The following CNDP2 variants were observed in gnomAD, a reference collection of about 807,000 sequenced individuals.
The protein encoded by CNDP2 is carnosine dipeptidase 2, also known as cytosolic non-specific dipeptidase.
A neutral mutation model predicts 55.0 loss-of-function variants in CNDP2; 38 were observed. That is an observed-to-expected ratio of 0.69 (90% CI 0.53 to 0.90). The LOEUF is 0.90. Ranked by LOEUF, CNDP2 falls within the 40% of genes least tolerant of loss-of-function variation. The pLI is 0.00. For missense variants in CNDP2, 607 were observed against 621.7 expected, an observed-to-expected ratio of 0.98 and a Z score of 0.25; for synonymous variants, 241 against 260.2, an observed-to-expected ratio of 0.93 and a Z score of 0.71.
At chr18:74,513,528 G>A in intron 7 of CNDP2, 31 bp from the exon 8 acceptor site, 1 of 1,594,294 alleles carries the variant, frequency 6.3e-7, no homozygotes. Context: ...GGCCTCCCCT[G>A]AGTGCTGTAA....
chr18:74,502,651 T>C (rs1288284798), intron 3 of CNDP2, among the ~76,000 whole-genome samples: 2 of 152,234 alleles, frequency 1.3e-5, no homozygotes, highest in Non-Finnish European at 2.9e-5. Context: ...TAATTGCATG[T>C]TTCATGCCAT....
chr18:74,499,973 GATGGCGGCCCTC>G lies in CNDP2; in HGVS notation c.2_13del (p.MetAlaAlaLeu1_?4). On this transcript the variant is annotated start_lost and inframe_deletion, in exon 2 of 12. Coordinates refer to ENST00000324262, the MANE Select transcript of CNDP2 (RefSeq NM_018235.3). ...TCTGCGGTCTGGGGTCTGGTTGAAA[GATGGCGGCCCTC>G]ACTACCCTGTTTAAGTACATAGATG... is the stretch of plus-strand genomic sequence containing the variant. 6.2e-7 allele frequency: 1 copy of G among 1,614,100 alleles called. No homozygotes were observed. The highest frequency in any genetic ancestry group is 8.5e-7 in the Non-Finnish European group (1 of 1,179,996).
At position 74,521,583 on chromosome 18, in the gene CNDP2, G is replaced by C. The variant is rs2144623933; in HGVS notation, c.*1515G>C. 6.6e-6 allele frequency: 1 copy of C among 152,400 alleles called. No individual in the cohort carries two copies. 9.4% of individuals were successfully genotyped at this position (152,400 alleles called of 1,614,324 possible). A position where few individuals can be genotyped will look rare whatever the true frequency, so the allele number is the denominator to read the frequency against. The stretch of plus-strand genomic sequence containing the variant: ...GAGCCAGCCTGGAAGAGTTTGCAGG[G>C]GCCCAGGGGAGCAATTGGAGTGAGA... On this transcript the variant is annotated 3_prime_UTR_variant, in exon 12 of 12. Transcript: ENST00000324262.
chr18:74,502,455 G>GT (rs910633467), intron 3 of CNDP2, among the ~76,000 whole-genome samples: 10 of 147,846 alleles, frequency 6.8e-5, no homozygotes, highest in African/African-American at 1.5e-4. Context: ...ATATATGTGT[G>GT]TTTTTTTTGT....
chr18:74,519,757 G>A (rs866791427), intron 11 of CNDP2, among the ~76,000 whole-genome samples: 2 of 152,216 alleles, frequency 1.3e-5, no homozygotes, highest in Non-Finnish European at 2.9e-5. Context: ...CGAGCTTGAC[G>A]TTTACTACCG....
chr18:74,516,120 C>A (rs1229649029), intron 8 of CNDP2, 108 bp from the exon 9 acceptor site: 2 of 1,255,422 alleles, frequency 1.6e-6, no homozygotes, highest in Non-Finnish European at 2.2e-6. Context: ...TGGGCCAGGC[C>A]CTGTTTCATA....
intron 3 of CNDP2, among the ~76,000 whole-genome samples, chr18:74,503,398 T>G (rs1978823649): frequency 6.6e-6 from 1 of 152,138 alleles, no homozygotes; most frequent in African/African-American, 2.4e-5. Context: ...GATGATGACT[T>G]GATGCAGGGG....
intron 3 of CNDP2, among the ~76,000 whole-genome samples, chr18:74,503,350 G>T (rs1051948979): frequency 6.6e-6 from 1 of 152,164 alleles, no homozygotes; most frequent in Admixed American, 6.5e-5. Flanking sequence ...TTCTCTTCCC[G>T]CATGTCCATG....
chr18:74,505,520 G>A (rs997062459), intron 3 of CNDP2, among the ~76,000 whole-genome samples: 3 of 151,672 alleles, frequency 2.0e-5, no homozygotes, highest in Non-Finnish European at 2.9e-5. Context: ...AATCGCTTGA[G>A]CCTGGGAGGC....
At chr18:74,516,165 G>C (rs187102329) in intron 8 of CNDP2, 63 bp from the exon 9 acceptor site, 886 of 1,505,510 alleles carry the variant, frequency 5.9e-4, no homozygotes, top group Admixed American at 1.2e-3. Context: ...CCAGCTCCTC[G>C]GTGAGCAGAC....
At chr18:74,512,616 G>A in intron 7 of CNDP2, 84 bp downstream of exon 7, 2 of 1,149,878 alleles carry the variant, frequency 1.7e-6, no homozygotes, top group Non-Finnish European at 2.6e-6. Flanking sequence ...AGCATTGGGT[G>A]CATTTCAGCA....
Position 74,520,177 on chromosome 18 carries a change from C to T in CNDP2, c.*109C>T, listed in dbSNP as rs1979971790. ...GTTCCCTCTTTCCTTTCCCTCTTGT[C>T]AGGTCATCCATGACTTTAGAGAACA... On this transcript the variant is annotated 3_prime_UTR_variant, in exon 12 of 12. Coordinates refer to ENST00000324262, the MANE Select transcript of CNDP2 (RefSeq NM_018235.3). 2 of 1,001,498 alleles carry T rather than the reference C, an allele frequency of 2.0e-6. No homozygotes were observed. Among genetic ancestry groups the T allele is most frequent in the African/African-American group, 1.6e-5 (1 of 62,620 alleles). 62.0% of individuals were successfully genotyped at this position (1,001,498 alleles called of 1,614,324 possible).
chr18:74,505,859 G>T lies in CNDP2; in HGVS notation c.215G>T (p.Gly72Val). Residue 72 changes from glycine (G) to valine (V), a missense_variant, in exon 4 of 12, where the codon GGC becomes GTC. Gly to Val is a moderately radical substitution (Grantham distance 109). Coordinates refer to ENST00000324262, the MANE Select transcript of CNDP2 (RefSeq NM_018235.3). ...CCTCTCCATGCTCAGCTCCCTGATG[G>T]CTCGGAGATCCCGCTCCCTCCTATT... ...VDIGKQKLPD[G>V]SEIPLPPILL... 6.2e-7 allele frequency: 1 copy of T among 1,611,946 alleles called. No individual in the cohort carries two copies. The highest frequency in any genetic ancestry group is 2.2e-5 in the East Asian group (1 of 44,774).
chr18:74,507,256 T>G (rs1187424700), intron 4 of CNDP2: 1 of 152,358 alleles, frequency 6.6e-6, no homozygotes, highest in Non-Finnish European at 1.5e-5. Flanking sequence ...TCTTTGCTCC[T>G]TGTCCGCTGT....
In CNDP2 at chr18:74,521,209, G is replaced by A. The variant is rs908157088; in HGVS notation, c.*1141G>A. On this transcript the variant is annotated 3_prime_UTR_variant, in exon 12 of 12. Coordinates refer to ENST00000324262, the MANE Select transcript of CNDP2 (RefSeq NM_018235.3). ...GTTGGTGGTGTCAGCTCAGGGCAGG[G>A]GACAGCAGGCAGGACCCGGAAAACA... is the stretch of plus-strand genomic sequence containing the variant. The A allele has an allele frequency of 2.0e-5, 3 of 152,360 alleles. No homozygotes were observed. The highest frequency in any genetic ancestry group is 7.2e-5 in the African/African-American group (3 of 41,420). The allele number at this position is 152,360 out of a possible 1,614,324, so 9.4% of individuals were successfully genotyped here. A position where few individuals can be genotyped will look rare whatever the true frequency, so the allele number is the denominator to read the frequency against.
In CNDP2 at chr18:74,522,264, A is replaced by G. The variant is rs1323218403; in HGVS notation, c.*2196A>G. 1 of 152,252 alleles carries G rather than the reference A, an allele frequency of 6.6e-6. No homozygotes were observed. The highest frequency in any genetic ancestry group is 1.5e-5 in the Non-Finnish European group (1 of 68,046). The allele number at this position is 152,252 out of a possible 1,614,324, so 9.4% of individuals were successfully genotyped here. On this transcript the variant is annotated 3_prime_UTR_variant, in exon 12 of 12. Coordinates refer to ENST00000324262, the MANE Select transcript of CNDP2 (RefSeq NM_018235.3). ...ACAGCTGGACCCAGCACTCAGTGCT[A>G]TCTGGGCTTGTGGCTCCAACTCAAC...
rs894133014 is a variant in CNDP2, at chr18:74,506,011, G to T, written c.367G>T (p.Gly123Cys). The change falls in exon 4 of 12, where the codon GGC (glycine) becomes TGC (cysteine). Residue 123 changes from glycine (G) to cysteine (C), a missense_variant and splice_region_variant. Coordinates refer to ENST00000324262, the MANE Select transcript of CNDP2 (RefSeq NM_018235.3). ...SEPFTLVERD[G>C]KLYGRGSTDD... ...GCCCTTCACCCTGGTGGAGCGAGACGGTGAGCGCCGCGCGCCTATGCGTGC... is the reference window on the plus strand; with the variant it reads ...GCCCTTCACCCTGGTGGAGCGAGACTGTGAGCGCCGCGCGCCTATGCGTGC... The T allele has an allele frequency of 6.3e-7, 1 of 1,582,660 alleles. No homozygotes were observed. Among genetic ancestry groups the T allele is most frequent in the East Asian group, 2.3e-5 (1 of 44,434 alleles).
rs772592204 is a variant in CNDP2, at chr18:74,513,694, C to T, written c.878C>T (p.Ala293Val). 67 of 1,613,828 alleles carry T rather than the reference C, an allele frequency of 4.2e-5. No individual in the cohort carries two copies. Among genetic ancestry groups the T allele is most frequent in the Non-Finnish European group, 5.1e-5 (60 of 1,179,950 alleles). The change falls in exon 8 of 12, where the codon GCG becomes GTG. Residue 293 changes from alanine (A) to valine (V), a missense_variant. Coordinates refer to ENST00000324262, the MANE Select transcript of CNDP2 (RefSeq NM_018235.3). ...GAGGAGTTTGCCAAGGATGTGGGGG[C>T]GCAGATCCTCCTGCACAGCCACAAG... ...DIEEFAKDVG[A>V]QILLHSHKKD...
intron 7 of CNDP2, among the ~76,000 whole-genome samples, chr18:74,512,828 C>G (rs1015750217): frequency 6.6e-6 from 1 of 152,180 alleles, no homozygotes; most frequent in South Asian, 2.1e-4. Context: ...CCTCGAGGCA[C>G]GTGGTGCTGT....
Sources: allele counts gnomAD v4.1 joint callset (sites outside exome capture counted in the v4.1 genomes callset), GRCh38; gene constraint gnomAD v4.1.1; transcripts MANE v1.5; gene names NCBI Gene and HGNC (gene_info 2026-07-23, HGNC 2026-07-21).